PDZRN4: variants seen among roughly 807,000 people sequenced by gnomAD.
The protein encoded by PDZRN4 is PDZ domain-containing RING finger protein 4.
Under a neutral mutation model 99.0 loss-of-function variants are expected in PDZRN4, and 70 were observed. The ratio of observed to expected loss-of-function variants is 0.71; its 90% CI spans 0.58 to 0.86. The LOEUF is 0.86. Ranked by LOEUF, PDZRN4 falls within the 40% of genes least tolerant of loss-of-function variation. The pLI is 0.00. For synonymous variants in PDZRN4, 551 were observed against 501.6 expected (o/e 1.10, Z -1.32); for missense variants, 1,474 against 1,331.2 (o/e 1.11, Z -1.67).
intron 3 of PDZRN4, among the ~76,000 whole-genome samples, chr12:41,497,967 C>T (rs576788861): frequency 1.3e-5 from 2 of 151,720 alleles, no homozygotes; most frequent in South Asian, 4.2e-4. Flanking sequence ...ATAAATATAA[C>T]AATATTATGA....
intron 3 of PDZRN4, among the ~76,000 whole-genome samples, chr12:41,204,678 TG>T (rs1950836616): frequency 6.6e-6 from 1 of 151,982 alleles, no homozygotes; most frequent in Non-Finnish European, 1.5e-5. Context: ...CGAAAAAGCA[TG>T]GGGGAACCAC....
intron 3 of PDZRN4, among the ~76,000 whole-genome samples, chr12:41,280,422 C>T (rs1016219890): frequency 6.6e-6 from 1 of 152,122 alleles, no homozygotes. Context: ...TCTTCCTCAG[C>T]GGATCCCACC....
intron 3 of PDZRN4, among the ~76,000 whole-genome samples, chr12:41,466,846 A>G (rs1952931177): frequency 6.6e-6 from 1 of 151,166 alleles, no homozygotes; most frequent in Admixed American, 6.6e-5. Flanking sequence ...TGAGAAAAGC[A>G]GATCATAGAA....
intron 3 of PDZRN4, among the ~76,000 whole-genome samples, chr12:41,393,934 G>A (rs1369764756): frequency 6.6e-6 from 1 of 152,198 alleles, no homozygotes; most frequent in Admixed American, 6.5e-5. Context: ...CAATTATAGA[G>A]TAGAGGAATA....
In PDZRN4 at chr12:41,244,781, T is replaced by A. The variant is rs1951123700; in HGVS notation, c.843+50593T>A. Among the ~76,000 whole-genome samples the A allele has an allele frequency of 2.7e-5, 4 of 148,720 alleles. No individual in the cohort carries two copies. In the South Asian group the frequency reaches 8.6e-4, roughly 32 times the overall value. On this transcript the variant is annotated intron_variant, in intron 3 of 9. Coordinates refer to ENST00000402685, the MANE Select transcript of PDZRN4 (RefSeq NM_001164595.2). ...CTCACTGCAAGCTCTGCTTCCCGGG[T>A]TCACGCCATTCTCCTGCCTCAGCCT...
At chr12:41,529,147 C>T (rs539598981) in intron 5 of PDZRN4, among the ~76,000 whole-genome samples, 9 of 152,082 alleles carry the variant, frequency 5.9e-5, no homozygotes, top group Admixed American at 1.3e-4. Context: ...CCAGTGGCAT[C>T]GCCAAGCTGA....
Position 41,572,990 on chromosome 12 carries a change from T to A in PDZRN4, c.2211T>A (p.Ser737Arg), listed in dbSNP as rs965151308. The change falls in exon 10 of 10, where the codon AGT (serine) becomes AGA (arginine). Residue 737 changes from serine (S) to arginine (R), a missense_variant. Coordinates refer to ENST00000402685, the MANE Select transcript of PDZRN4 (RefSeq NM_001164595.2). The stretch of plus-strand genomic sequence containing the variant: ...AAAAGTCTGACAAGGACAGTTCTAG[T>A]GCTTACAACACAGCTGAGAGCTGCA... ...HPEKSDKDSS[S>R]AYNTAESCRS... 1.2e-6 allele frequency: 2 copies of A among 1,614,158 alleles called. No homozygotes were observed. The highest frequency in any genetic ancestry group is 1.7e-6 in the Non-Finnish European group (2 of 1,180,022).
chr12:41,542,362 A>G (rs1938872424), intron 5 of PDZRN4, among the ~76,000 whole-genome samples: 1 of 152,212 alleles, frequency 6.6e-6, no homozygotes, highest in Non-Finnish European at 1.5e-5. Flanking sequence ...AATTTGCTAT[A>G]GACACTAAGG....
At chr12:41,486,584 AAT>A (rs1205110539) in intron 3 of PDZRN4, among the ~76,000 whole-genome samples, 3 of 152,134 alleles carry the variant, frequency 2.0e-5, no homozygotes, top group African/African-American at 7.2e-5. Flanking sequence ...AAATAGCAAT[AAT>A]ATGAGAAGGT....
chr12:41,191,486 T>A lies in PDZRN4; in HGVS notation c.677T>A (p.Val226Glu), dbSNP rs1239606177. ...GGAGAGCATAAGCCATTCACTATTG[T>A]GTTAGAAAGAGAAAATGACACTTTG... is the stretch of plus-strand genomic sequence containing the variant. ...RDGEHKPFTI[V>E]LERENDTLGF... The change falls in exon 2 of 10, where the codon GTG (valine) becomes GAG (glutamate). Residue 226 changes from valine to glutamate, a missense_variant. Transcript: ENST00000402685. The A allele has an allele frequency of 6.4e-7, 1 of 1,570,714 alleles. No individual in the cohort carries two copies. Among genetic ancestry groups the A allele is most frequent in the Non-Finnish European group, 8.7e-7 (1 of 1,154,474 alleles).
At chr12:41,214,763 A>G (rs1363735023) in intron 3 of PDZRN4, among the ~76,000 whole-genome samples, 5 of 151,998 alleles carry the variant, frequency 3.3e-5, no homozygotes, top group Non-Finnish European at 1.5e-5. Flanking sequence ...ATAAGATCCT[A>G]TGACACAGAT....
intron 3 of PDZRN4, among the ~76,000 whole-genome samples, chr12:41,420,795 T>G (rs1952482468): frequency 6.6e-6 from 1 of 152,154 alleles, no homozygotes; most frequent in Admixed American, 6.6e-5. Flanking sequence ...ACTGCCTCAG[T>G]TTTAAATACG....
chr12:41,296,508 C>G (rs1951495240), intron 3 of PDZRN4, among the ~76,000 whole-genome samples: 1 of 152,152 alleles, frequency 6.6e-6, no homozygotes, highest in South Asian at 2.1e-4. Flanking sequence ...GAAAGCTTTC[C>G]TCTTTCCTAG....
intron 3 of PDZRN4, among the ~76,000 whole-genome samples, chr12:41,238,224 T>C (rs560738821): frequency 6.4e-4 from 98 of 152,254 alleles, no homozygotes; most frequent in Non-Finnish European, 1.1e-3. Context: ...TTTACTCTCT[T>C]TGTGGCAATT....
intron 3 of PDZRN4, among the ~76,000 whole-genome samples, chr12:41,453,092 G>A (rs781720385): frequency 1.4e-4 from 21 of 152,286 alleles, no homozygotes; most frequent in Non-Finnish European, 2.5e-4. Flanking sequence ...AGGCAAAAGA[G>A]CCATGCCATT....
chr12:41,225,435 G>GTTTTTTTTTTTTTTTTT (rs35906953), intron 3 of PDZRN4, among the ~76,000 whole-genome samples: 1 of 149,034 alleles, frequency 6.7e-6, no homozygotes, highest in Non-Finnish European at 1.5e-5. Context: ...ATTACACTGT[G>GTTTTTTTTTTTTTTTTT]TTTTTTTTTT....
intron 3 of PDZRN4, among the ~76,000 whole-genome samples, chr12:41,283,372 A>G (rs1388472803): frequency 6.6e-6 from 1 of 152,096 alleles, no homozygotes; most frequent in East Asian, 1.9e-4. Flanking sequence ...AGTAATTAAT[A>G]CCCTACTAGC....
chr12:41,419,647 A>C lies in PDZRN4; in HGVS notation c.844-86809A>C, dbSNP rs79785076. 7.2e-5 allele frequency among the ~76,000 whole-genome samples: 11 copies of C among 152,266 alleles called. No homozygotes were observed. In the East Asian group the frequency reaches 1.2e-3, roughly 16 times the overall value. On this transcript the variant is annotated intron_variant, in intron 3 of 9. Transcript: ENST00000402685. ...TTTCTCACCATGGGGGTTTTACAGG[A>C]GTGGGGTACATTAGTGTTAGATCAT...
intron 5 of PDZRN4, among the ~76,000 whole-genome samples, chr12:41,541,449 CTTTT>C (rs66828349): frequency 7.8e-4 from 107 of 137,360 alleles, no homozygotes; most frequent in African/African-American, 2.7e-3. Flanking sequence ...TTCTTCTAGA[CTTTT>C]TTTTTTTTTT....
Sources: allele counts gnomAD v4.1 joint callset (sites outside exome capture counted in the v4.1 genomes callset), GRCh38; gene constraint gnomAD v4.1.1; transcripts MANE v1.5; gene names NCBI Gene and HGNC (gene_info 2026-07-23, HGNC 2026-07-21).